The following ESRRG variants were observed in gnomAD, a reference collection of about 807,000 sequenced individuals.
ESRRG encodes estrogen-related receptor gamma.
Under a neutral mutation model 44.0 loss-of-function variants are expected in ESRRG, and 13 were observed. The ratio of observed to expected loss-of-function variants is 0.30; its 90% CI spans 0.19 to 0.47. The LOEUF (loss-of-function observed/expected upper bound fraction) is 0.47, where lower values mean the gene tolerates loss of function less well. Among genes scored for constraint, ESRRG ranks in the 20% least tolerant of loss-of-function variants. The pLI, the probability that ESRRG is intolerant of heterozygous loss-of-function variation, is 1.00. For synonymous variants in ESRRG, 215 were observed against 214.6 expected (o/e 1.00, Z -0.02); for missense variants, 395 against 580.6 (o/e 0.68, Z 3.29).
At chr1:216,802,522 A>G (rs2094655541) in intron 2 of ESRRG, among the ~76,000 whole-genome samples, 1 of 152,190 alleles carries the variant, frequency 6.6e-6, no homozygotes, top group Non-Finnish European at 1.5e-5. Flanking sequence ...TGTGGGGCCC[A>G]GTGCAAAGTG....
At chr1:216,891,794 CTTTT>C (rs35043282) in intron 2 of ESRRG, among the ~76,000 whole-genome samples, 1 of 102,382 alleles carries the variant, frequency 9.8e-6, no homozygotes, top group African/African-American at 4.3e-5. Context: ...GTGGTGCCCG[CTTTT>C]TTTTTTTTTT....
At chr1:216,848,821 T>C (rs2095799742) in intron 2 of ESRRG, among the ~76,000 whole-genome samples, 1 of 152,140 alleles carries the variant, frequency 6.6e-6, no homozygotes. Context: ...TTTCACTCTT[T>C]GAAGAATCAC....
At chr1:217,013,688 C>G (rs2078954778) in intron 1 of ESRRG, among the ~76,000 whole-genome samples, 1 of 152,132 alleles carries the variant, frequency 6.6e-6, no homozygotes, top group Non-Finnish European at 1.5e-5. Context: ...TTGAAGTATA[C>G]ATTAGCAACA....
chr1:216,707,182 T>C (rs2082618716), intron 1 of ESRRG, among the ~76,000 whole-genome samples: 1 of 152,226 alleles, frequency 6.6e-6, no homozygotes, highest in Admixed American at 6.5e-5. Context: ...CAAATCCTTC[T>C]TACCTTCTCT....
chr1:217,099,860 T>C (rs2092481788), intron 1 of ESRRG, among the ~76,000 whole-genome samples: 1 of 151,988 alleles, frequency 6.6e-6, no homozygotes, highest in Non-Finnish European at 1.5e-5. Flanking sequence ...TGATGGCCCA[T>C]CAAGCTCAGA....
chr1:216,594,902 C>T (rs1017622316), intron 3 of ESRRG, among the ~76,000 whole-genome samples: 1 of 152,168 alleles, frequency 6.6e-6, no homozygotes. Context: ...CTTTGGGACT[C>T]AGTAGTACCT....
At chr1:217,026,798 T>C (rs1348981795) in intron 1 of ESRRG, among the ~76,000 whole-genome samples, 3 of 151,956 alleles carry the variant, frequency 2.0e-5, no homozygotes, top group Admixed American at 6.6e-5. Flanking sequence ...GAGTCCCCAG[T>C]GCAGGAAAAA....
At position 217,042,473 on chromosome 1, in the gene ESRRG, AACACACACACAC is replaced by A. The variant is rs140559927; in HGVS notation, c.-106+47022_-106+47033del. ...AAATGCACACACACATACACACACA[AACACACACACAC>A]ACACACACACACACACACACACACA... On this transcript the variant is annotated intron_variant, in intron 1 of 7. Transcript: ENST00000359162. Among the ~76,000 whole-genome samples the A allele has an allele frequency of 2.9e-3, 398 of 139,054 alleles. 1 individual carries two copies. Among genetic ancestry groups the A allele is most frequent in the East Asian group, 5.5e-3 (23 of 4,168 alleles). The allele number at this position is 139,054 out of a possible 152,430, so 91.2% of individuals were successfully genotyped here.
chr1:216,762,013 G>A (rs1417729827), intron 2 of ESRRG, among the ~76,000 whole-genome samples: 2 of 152,110 alleles, frequency 1.3e-5, no homozygotes. Flanking sequence ...AAGTGCTTTA[G>A]ACCCATTGCT....
At chr1:217,105,338 T>C (rs896528333) in intron 1 of ESRRG, among the ~76,000 whole-genome samples, 3 of 152,226 alleles carry the variant, frequency 2.0e-5, no homozygotes, top group African/African-American at 7.2e-5. Context: ...TCATTATTTT[T>C]AACATCACAA....
At chr1:216,671,378 C>T (rs370281309) in intron 2 of ESRRG, among the ~76,000 whole-genome samples, 11 of 152,224 alleles carry the variant, frequency 7.2e-5, no homozygotes, top group African/African-American at 2.2e-4. Flanking sequence ...AGAGGGTTTA[C>T]GATCATAGCT....
intron 2 of ESRRG, among the ~76,000 whole-genome samples, chr1:216,798,262 C>A (rs926864840): frequency 1.3e-5 from 2 of 152,076 alleles, no homozygotes; most frequent in African/African-American, 4.8e-5. Context: ...CCCTGAGGGT[C>A]CAAAGGCTTG....
chr1:216,921,427 A>G (rs544137625), intron 2 of ESRRG, among the ~76,000 whole-genome samples: 55 of 152,302 alleles, frequency 3.6e-4, no homozygotes, highest in Admixed American at 1.2e-3. Flanking sequence ...AGGGCTCCCC[A>G]TCTCCCAAAG....
chr1:216,586,742 A>AT (rs1486795246), intron 3 of ESRRG, among the ~76,000 whole-genome samples: 2 of 52,172 alleles, frequency 3.8e-5, no homozygotes, highest in East Asian at 3.3e-4. Flanking sequence ...TGCCTGGCTA[A>AT]TTTTTTTTGT....
At chr1:216,970,539 C>G (rs987025765) in intron 1 of ESRRG, among the ~76,000 whole-genome samples, 1 of 152,096 alleles carries the variant, frequency 6.6e-6, no homozygotes, top group African/African-American at 2.4e-5. Context: ...CTTTTTTTCT[C>G]TCTGGTCCTC....
chr1:216,939,047 T>A (rs2064670961), intron 2 of ESRRG, among the ~76,000 whole-genome samples: 1 of 152,114 alleles, frequency 6.6e-6, no homozygotes, highest in South Asian at 2.1e-4. Flanking sequence ...GAAATGGGTA[T>A]TCAATTGGAA....
At chr1:216,906,948 A>G (rs907615903) in intron 2 of ESRRG, among the ~76,000 whole-genome samples, 5 of 152,180 alleles carry the variant, frequency 3.3e-5, no homozygotes, top group African/African-American at 1.2e-4. Flanking sequence ...TTTTGTATAT[A>G]TTGATAACTG....
At chr1:216,745,947 A>G (rs1227529044) in intron 2 of ESRRG, among the ~76,000 whole-genome samples, 1 of 152,208 alleles carries the variant, frequency 6.6e-6, no homozygotes, top group East Asian at 1.9e-4. Context: ...ATAGGCTTTA[A>G]TGTAGAGTTT....
At position 216,696,605 on chromosome 1, in the gene ESRRG, T is replaced by G. The variant is rs752762472; in HGVS notation, c.57-19114A>C. On this transcript the variant is annotated intron_variant, in intron 1 of 6. Transcript: ENST00000408911. ...AAAAATACTAAGATTATTTATATCA[T>G]AGGATAATAAAACATACTAAGATTA... Among the ~76,000 whole-genome samples the G allele has an allele frequency of 1.0e-3, 159 of 152,286 alleles. 3 individuals are homozygous for G. The highest frequency in any genetic ancestry group is 1.9e-3 in the Non-Finnish European group (132 of 68,002).
Sources: gnomAD v4.1 joint callset for allele counts (sites outside exome capture counted in the v4.1 genomes callset) on GRCh38, gnomAD v4.1.1 for gene constraint, MANE v1.5 for transcripts, NCBI Gene and HGNC (gene_info 2026-07-23, HGNC 2026-07-21) for gene names.